CCDC174: variants seen among roughly 807,000 people sequenced by gnomAD.
The protein encoded by CCDC174 is coiled-coil domain-containing protein 174.
A neutral mutation model predicts 57.1 loss-of-function variants in CCDC174; 37 were observed. The observed-to-expected ratio is 0.65, with a 90% confidence interval of 0.50 to 0.85. CCDC174 has a LOEUF of 0.85. Among genes scored for constraint, CCDC174 ranks in the 40% least tolerant of loss-of-function variants. CCDC174 has a pLI of 0.00. For synonymous variants in CCDC174, 182 were observed against 190.2 expected, an observed-to-expected ratio of 0.96 and a Z score of 0.35; for missense variants, 540 against 574.3, an observed-to-expected ratio of 0.94 and a Z score of 0.61.
chr3:14,653,518 A>C (rs2030845453), intron 1 of CCDC174, among the ~76,000 whole-genome samples: 1 of 152,234 alleles, frequency 6.6e-6, no homozygotes, highest in Admixed American at 6.5e-5. Flanking sequence ...CTGATGATTA[A>C]GACAGTGATG....
At chr3:14,662,581 T>C (rs1321096488) in intron 5 of CCDC174, among the ~76,000 whole-genome samples, 1 of 152,250 alleles carries the variant, frequency 6.6e-6, no homozygotes, top group Non-Finnish European at 1.5e-5. Flanking sequence ...GTTTGGAAAC[T>C]GTTCAGCAGT....
chr3:14,655,405 T>C, intron 2 of CCDC174, 124 bp from the exon 3 acceptor site: 1 of 576,018 alleles, frequency 1.7e-6, no homozygotes, highest in South Asian at 2.5e-5. Flanking sequence ...ACACAGCTTA[T>C]CTAGTTATCT....
At chr3:14,669,601 A>G (rs1056037704) in intron 9 of CCDC174, among the ~76,000 whole-genome samples, 18 of 152,210 alleles carry the variant, frequency 1.2e-4, no homozygotes. Context: ...AGTTTGGAGA[A>G]GCAGAGTGGC....
At chr3:14,653,292 A>G (rs1243243253) in intron 1 of CCDC174, among the ~76,000 whole-genome samples, 2 of 152,222 alleles carry the variant, frequency 1.3e-5, no homozygotes, top group African/African-American at 4.8e-5. Flanking sequence ...TAGACTAGGA[A>G]GATATGTGGC....
At position 14,658,918 on chromosome 3, in the gene CCDC174, G is replaced by A. The variant is rs752949368; in HGVS notation, c.296G>A (p.Gly99Glu). 2 of 1,522,990 alleles carry A rather than the reference G, an allele frequency of 1.3e-6. No homozygotes were observed. The highest frequency in any genetic ancestry group is 9.0e-7 in the Non-Finnish European group (1 of 1,111,286). 94.3% of individuals were successfully genotyped at this position (1,522,990 alleles called of 1,614,324 possible). A position where few individuals can be genotyped will look rare whatever the true frequency, so the allele number is the denominator to read the frequency against. The change falls in exon 4 of 11, where the codon GGA (glycine) becomes GAA (glutamate). Residue 99 changes from glycine (G) to glutamate (E), a missense_variant. Gly to Glu is a moderately conservative substitution (Grantham distance 98). Coordinates refer to ENST00000383794, the MANE Select transcript of CCDC174 (RefSeq NM_016474.5). ...KAKLYEKMTK[G>E]DFIDEEVEDM... ...AAATTATATGAAAAAATGACTAAAGGAGACTTTATAGGTAAATAAAATTTG... is the reference window on the plus strand; with the variant it reads ...AAATTATATGAAAAAATGACTAAAGAAGACTTTATAGGTAAATAAAATTTG...
At chr3:14,662,338 G>T (rs12054088) in intron 5 of CCDC174, among the ~76,000 whole-genome samples, 1 of 92,550 alleles carries the variant, frequency 1.1e-5, no homozygotes, top group Non-Finnish European at 2.3e-5. Flanking sequence ...ACACCCCCCC[G>T]CCCCCCTTCA....
Position 14,671,397 on chromosome 3 carries a change from G to A in CCDC174, c.*203G>A. Reference sequence around the variant, plus strand: ...TTCATTTTATTCTAAGTGGGATAGGGACATACCTACCTGGATTTACATGTG... The same window carrying A: ...TTCATTTTATTCTAAGTGGGATAGGAACATACCTACCTGGATTTACATGTG... On this transcript the variant is annotated 3_prime_UTR_variant, in exon 11 of 11. Coordinates refer to ENST00000383794, the MANE Select transcript of CCDC174 (RefSeq NM_016474.5). The A allele has an allele frequency of 1.8e-6, 1 of 562,062 alleles. No individual in the cohort carries two copies. The allele number at this position is 562,062 out of a possible 1,614,324, so 34.8% of individuals were successfully genotyped here.
chr3:14,658,746 G>A (rs922427970), intron 3 of CCDC174, 125 bp from the exon 4 acceptor site: 1 of 1,028,150 alleles, frequency 9.7e-7, no homozygotes, highest in Non-Finnish European at 1.4e-6. Flanking sequence ...GGTCTGTGCT[G>A]GTTGTGGTTG....
At chr3:14,658,803 G>T in intron 3 of CCDC174, 68 bp from the exon 4 acceptor site, 1 of 1,477,714 alleles carries the variant, frequency 6.8e-7, no homozygotes, top group South Asian at 1.2e-5. Flanking sequence ...GTCAGGCAGG[G>T]AGTGTGGGGG....
intron 8 of CCDC174, 98 bp from the exon 9 acceptor site, chr3:14,667,951 C>A: frequency 8.2e-7 from 1 of 1,225,814 alleles, no homozygotes; most frequent in Admixed American, 2.4e-5. Flanking sequence ...GCCTGAAGAT[C>A]AATTAACTAG....
chr3:14,655,241 G>A (rs1024291716), intron 2 of CCDC174, among the ~76,000 whole-genome samples: 1 of 151,992 alleles, frequency 6.6e-6, no homozygotes, highest in Non-Finnish European at 1.5e-5. Context: ...AGCCCAGGAT[G>A]TTGAGGCTGC....
At chr3:14,653,258 A>G (rs2030837646) in intron 1 of CCDC174, among the ~76,000 whole-genome samples, 1 of 152,242 alleles carries the variant, frequency 6.6e-6, no homozygotes, top group Non-Finnish European at 1.5e-5. Flanking sequence ...TTTTTTGAGC[A>G]TCTCTTAAAG....
chr3:14,655,950 T>C (rs575595108), intron 3 of CCDC174, among the ~76,000 whole-genome samples: 1 of 152,254 alleles, frequency 6.6e-6, no homozygotes, highest in African/African-American at 2.4e-5. Context: ...AACCCTAAAC[T>C]TCCCCCCCAC....
chr3:14,663,219 CTCT>C (rs1381545760), intron 5 of CCDC174, among the ~76,000 whole-genome samples: 3 of 151,996 alleles, frequency 2.0e-5, no homozygotes, highest in Admixed American at 6.6e-5. Flanking sequence ...GTTGCCTAGG[CTCT>C]TCTTGAACTC....
intron 5 of CCDC174, 63 bp from the exon 6 acceptor site, chr3:14,664,965 C>T: frequency 8.2e-7 from 1 of 1,226,516 alleles, no homozygotes; most frequent in Non-Finnish European, 1.2e-6. Flanking sequence ...TCACCTACTC[C>T]CTGACTTAGG....
chr3:14,655,267 C>T (rs2030911673), intron 2 of CCDC174, among the ~76,000 whole-genome samples: 1 of 151,776 alleles, frequency 6.6e-6, no homozygotes, highest in African/African-American at 2.4e-5. Flanking sequence ...GCTGAGATCG[C>T]ACCACCACAC....
Position 14,661,526 on chromosome 3 carries a change from C to T in CCDC174, c.308-4C>T. On this transcript the variant is annotated splice_region_variant and splice_polypyrimidine_tract_variant and intron_variant, in intron 4 of 10. Transcript: ENST00000383794. ...ATGTCTGAAAACTGATTTTTATGTC[C>T]TAGATGAAGAAGTAGAGGATATGTA... 1 of 1,590,702 alleles carries T rather than the reference C, an allele frequency of 6.3e-7. No individual in the cohort carries two copies. Among genetic ancestry groups the T allele is most frequent in the Non-Finnish European group, 8.5e-7 (1 of 1,171,538 alleles).
chr3:14,669,930 A>G lies in CCDC174; in HGVS notation c.953-4A>G. On this transcript the variant is annotated splice_polypyrimidine_tract_variant and splice_region_variant and intron_variant, in intron 9 of 10. Transcript: ENST00000383794. ...ACAGTGTCTTATTCTTTTACAAAAA[A>G]TAGATGGAGATGTTATTGGGCCTTT... The G allele has an allele frequency of 6.2e-7, 1 of 1,613,760 alleles. No homozygotes were observed. Among genetic ancestry groups the G allele is most frequent in the Non-Finnish European group, 8.5e-7 (1 of 1,179,880 alleles).
At position 14,672,544 on chromosome 3, in the gene CCDC174, C is replaced by T. The variant is rs949965033; in HGVS notation, c.*1350C>T. 5 of 152,240 alleles carry T rather than the reference C, an allele frequency of 3.3e-5. No homozygotes were observed. Among genetic ancestry groups the T allele is most frequent in the African/African-American group, 1.2e-4 (5 of 41,454 alleles). 9.4% of individuals were successfully genotyped at this position (152,240 alleles called of 1,614,324 possible). On this transcript the variant is annotated 3_prime_UTR_variant, in exon 11 of 11. Transcript: ENST00000383794. ...GACAAACATCCTGAATTCTTACAAA[C>T]TTACCTCTAAACTCTGAGGATAAAG...
Sources: allele counts gnomAD v4.1 joint callset (sites outside exome capture counted in the v4.1 genomes callset), GRCh38; gene constraint gnomAD v4.1.1; transcripts MANE v1.5; gene names NCBI Gene and HGNC (gene_info 2026-07-23, HGNC 2026-07-21).